The following UBASH3B variants were observed in gnomAD, a reference collection of about 807,000 sequenced individuals.
UBASH3B encodes the protein ubiquitin-associated and SH3 domain-containing protein B.
Under a neutral mutation model 83.4 loss-of-function variants are expected in UBASH3B, and 37 were observed. The observed-to-expected ratio is 0.44, with a 90% confidence interval of 0.34 to 0.58. The LOEUF (loss-of-function observed/expected upper bound fraction) is 0.58. Among genes scored for constraint, UBASH3B ranks in the 20% least tolerant of loss-of-function variants. The pLI, the probability that UBASH3B is intolerant of heterozygous loss-of-function variation, is 0.01. For missense variants in UBASH3B, 657 were observed against 827.2 expected (o/e 0.79, Z 2.52); for synonymous variants, 304 against 318.3 (o/e 0.96, Z 0.48).
chr11:122,704,466 TAGAG>T (rs1042914252), intron 1 of UBASH3B, among the ~76,000 whole-genome samples: 1 of 151,730 alleles, frequency 6.6e-6, no homozygotes, highest in African/African-American at 2.4e-5. Context: ...GGTGGCGTGT[TAGAG>T]AGGCCACTTT....
chr11:122,746,435 A>G (rs2135964454), intron 1 of UBASH3B, among the ~76,000 whole-genome samples: 1 of 152,276 alleles, frequency 6.6e-6, no homozygotes, highest in South Asian at 2.1e-4. Flanking sequence ...GAGGTATAAG[A>G]TGGTGCCTCC....
chr11:122,741,414 A>G (rs1449219472), intron 1 of UBASH3B, among the ~76,000 whole-genome samples: 1 of 152,216 alleles, frequency 6.6e-6, no homozygotes, highest in Non-Finnish European at 1.5e-5. Flanking sequence ...TTACCAATAA[A>G]TGAACATTCG....
intron 1 of UBASH3B, among the ~76,000 whole-genome samples, chr11:122,692,196 T>C (rs1029056382): frequency 6.6e-6 from 1 of 152,208 alleles, no homozygotes; most frequent in Non-Finnish European, 1.5e-5. Flanking sequence ...GCCTGGCAGA[T>C]AGTAGGTACT....
At chr11:122,659,113 G>A (rs901334827) in intron 1 of UBASH3B, among the ~76,000 whole-genome samples, 4 of 152,012 alleles carry the variant, frequency 2.6e-5, no homozygotes, top group Non-Finnish European at 5.9e-5. Flanking sequence ...CTCTTATAAG[G>A]ATACATGTGG....
intron 4 of UBASH3B, among the ~76,000 whole-genome samples, chr11:122,780,754 G>A (rs1174452037): frequency 3.9e-5 from 6 of 152,342 alleles, no homozygotes; most frequent in Admixed American, 1.3e-4. Flanking sequence ...GCAGGCATGA[G>A]ATGGTGTGAG....
intron 1 of UBASH3B, among the ~76,000 whole-genome samples, chr11:122,656,442 T>G (rs1301365571): frequency 1.3e-5 from 2 of 151,960 alleles, no homozygotes; most frequent in African/African-American, 4.8e-5. Flanking sequence ...GTGGGATGCC[T>G]AAAGCTGGGG....
At chr11:122,737,398 G>A (rs1005948868) in intron 1 of UBASH3B, among the ~76,000 whole-genome samples, 11 of 152,152 alleles carry the variant, frequency 7.2e-5, no homozygotes, top group Admixed American at 2.0e-4. Context: ...AGGCACACAT[G>A]GACAGGACCT....
chr11:122,800,336 G>A (rs552079530), intron 10 of UBASH3B, among the ~76,000 whole-genome samples: 1 of 144,950 alleles, frequency 6.9e-6, no homozygotes, highest in Admixed American at 7.0e-5. Context: ...TCAGGAGATC[G>A]AGACCATCCT....
chr11:122,800,968 GC>G (rs1861248944), intron 10 of UBASH3B, among the ~76,000 whole-genome samples: 1 of 152,140 alleles, frequency 6.6e-6, no homozygotes, highest in Admixed American at 6.5e-5. Flanking sequence ...ATGACTTAAA[GC>G]CAGCATACAT....
chr11:122,802,313 GAAAAAAA>G (rs147011358), intron 11 of UBASH3B, among the ~76,000 whole-genome samples: 17 of 66,212 alleles, frequency 2.6e-4, no homozygotes, highest in South Asian at 5.4e-4. Flanking sequence ...GACTCTGTCT[GAAAAAAA>G]AAAAAAAAAA....
At chr11:122,749,568 C>T (rs1861169388) in intron 1 of UBASH3B, among the ~76,000 whole-genome samples, 1 of 152,156 alleles carries the variant, frequency 6.6e-6, no homozygotes, top group African/African-American at 2.4e-5. Flanking sequence ...TGAGGGTTAG[C>T]TCTATTTAGT....
At chr11:122,739,549 G>GT (rs1860991487) in intron 1 of UBASH3B, among the ~76,000 whole-genome samples, 1 of 152,188 alleles carries the variant, frequency 6.6e-6, no homozygotes, top group South Asian at 2.1e-4. Context: ...GCTCCATGCT[G>GT]TTGGTGGGTA....
chr11:122,671,651 G>T (rs1024034741), intron 1 of UBASH3B, among the ~76,000 whole-genome samples: 1 of 152,252 alleles, frequency 6.6e-6, no homozygotes, highest in Non-Finnish European at 1.5e-5. Context: ...GAGGCCACAA[G>T]TGGGCTGTCT....
At chr11:122,683,208 T>C (rs1227108167) in intron 1 of UBASH3B, among the ~76,000 whole-genome samples, 3 of 143,646 alleles carry the variant, frequency 2.1e-5, no homozygotes, top group Admixed American at 7.3e-5. Flanking sequence ...GCCACTGCAC[T>C]CCCGCCTGGA....
intron 1 of UBASH3B, among the ~76,000 whole-genome samples, chr11:122,666,029 T>C (rs1447464726): frequency 6.6e-6 from 1 of 152,220 alleles, no homozygotes; most frequent in East Asian, 1.9e-4. Context: ...AAGGCTGTTC[T>C]CGTGCAGAGT....
intron 1 of UBASH3B, among the ~76,000 whole-genome samples, chr11:122,691,803 CA>C (rs1248704857): frequency 1.3e-5 from 2 of 152,124 alleles, no homozygotes; most frequent in African/African-American, 4.8e-5. Flanking sequence ...CTGGCTTGAG[CA>C]AAAGGCTGTG....
chr11:122,714,982 G>A (rs1383552546), intron 1 of UBASH3B, among the ~76,000 whole-genome samples: 3 of 152,186 alleles, frequency 2.0e-5, no homozygotes, highest in African/African-American at 4.8e-5. Context: ...GTCTCGCTCT[G>A]TCGCCCGGGC....
At chr11:122,752,172 C>T (rs1861209509) in intron 1 of UBASH3B, among the ~76,000 whole-genome samples, 1 of 152,064 alleles carries the variant, frequency 6.6e-6, no homozygotes, top group Non-Finnish European at 1.5e-5. Flanking sequence ...CAATCTGGCC[C>T]CATCTAACCC....
At chr11:122,670,598 G>A (rs988417856) in intron 1 of UBASH3B, among the ~76,000 whole-genome samples, 7 of 152,258 alleles carry the variant, frequency 4.6e-5, no homozygotes, top group Non-Finnish European at 8.8e-5. Context: ...GACCTTAAGT[G>A]CACGATAAAT....
Sources: gnomAD v4.1 joint callset for allele counts (sites outside exome capture counted in the v4.1 genomes callset) on GRCh38, gnomAD v4.1.1 for gene constraint, MANE v1.5 for transcripts, NCBI Gene and HGNC (gene_info 2026-07-23, HGNC 2026-07-21) for gene names.